The following GRM5 variants were observed in gnomAD, a reference collection of about 807,000 sequenced individuals.
GRM5 encodes glutamate metabotropic receptor 5, also known as metabotropic glutamate receptor 5.
GRM5 carries 19 observed loss-of-function variants against 83.1 expected under a neutral mutation model. The observed-to-expected ratio is 0.23, with a 90% CI of 0.16 to 0.34. The LOEUF (loss-of-function observed/expected upper bound fraction) is 0.34. GRM5 is among the 10% of genes least tolerant of loss of function. The pLI is 1.00. For missense variants in GRM5, 1,160 were observed against 1,588.3 expected (o/e 0.73, Z 4.58); for synonymous variants, 675 against 633.6 (o/e 1.07, Z -0.98).
chr11:88,774,941 A>G (rs556925388), intron 3 of GRM5, among the ~76,000 whole-genome samples: 2 of 152,342 alleles, frequency 1.3e-5, no homozygotes, highest in South Asian at 2.1e-4. Flanking sequence ...CTTTGGTATC[A>G]GGATGATGCT....
intron 6 of GRM5, among the ~76,000 whole-genome samples, chr11:88,591,607 T>C: frequency 6.6e-6 from 1 of 152,358 alleles, no homozygotes; most frequent in Middle Eastern, 3.4e-3. Flanking sequence ...TTACACTTTA[T>C]ATTTCTAGTC....
chr11:88,982,416 T>C (rs898309555), intron 2 of GRM5, among the ~76,000 whole-genome samples: 7 of 152,146 alleles, frequency 4.6e-5, no homozygotes, highest in African/African-American at 1.7e-4. Flanking sequence ...CATGAATCAT[T>C]TGGAAAAAGA....
chr11:88,606,302 C>T (rs530012103), intron 4 of GRM5, among the ~76,000 whole-genome samples: 3 of 152,300 alleles, frequency 2.0e-5, no homozygotes, highest in Non-Finnish European at 4.4e-5. Context: ...GCGAGTGGAT[C>T]ACCTGAGGTC....
At chr11:88,926,482 G>T (rs1448970267) in intron 2 of GRM5, among the ~76,000 whole-genome samples, 1 of 152,072 alleles carries the variant, frequency 6.6e-6, no homozygotes, top group Admixed American at 6.6e-5. Context: ...TATATCTACT[G>T]ATGGTGTTCA....
intron 8 of GRM5, among the ~76,000 whole-genome samples, chr11:88,555,390 C>T (rs193074829): frequency 1.7e-4 from 26 of 152,178 alleles, no homozygotes; most frequent in African/African-American, 4.1e-4. Flanking sequence ...GAGTCTCACG[C>T]GACTGGACTG....
rs1379411696 is a variant in GRM5, at chr11:88,567,821, A to G, written c.1862T>C (p.Ile621Thr). 5.6e-6 allele frequency: 9 copies of G among 1,614,162 alleles called. No individual in the cohort carries two copies. The highest frequency in any genetic ancestry group is 7.6e-6 in the Non-Finnish European group (9 of 1,179,984). ...KSSSRELCYI[I>T]LAGICLGYLC... ...GTAGCCCAGGCAGATGCCAGCAAGG[A>G]TAATGTAGCAGAGTTCCCTGCTTGA... The change falls in exon 8 of 10, where the codon ATC becomes ACC. Residue 621 changes from isoleucine to threonine, a missense_variant. Physicochemically the swap from Ile to Thr is moderately conservative, Grantham distance 89 (BLOSUM62 -1). Around this residue, in one of 9 missense-constraint regions of GRM5, gnomAD observed 132 missense variants for 245.5 expected, o/e 0.54. Transcript: ENST00000305447. This position sits in a 1 kb window ranked among gnomAD's most constrained non-coding sequence, Gnocchi z 7.3.
chr11:88,611,256 T>C (rs1565360354), intron 4 of GRM5, among the ~76,000 whole-genome samples: 1 of 152,196 alleles, frequency 6.6e-6, no homozygotes, highest in Non-Finnish European at 1.5e-5. Context: ...GAGTACCTTC[T>C]CCTTGTATTT....
chr11:88,616,865 ATCTGTCACTGAT>A (rs1371229077), intron 4 of GRM5, among the ~76,000 whole-genome samples: 26 of 152,288 alleles, frequency 1.7e-4, no homozygotes, highest in African/African-American at 6.3e-4. Context: ...ATTGGCGGTG[ATCTGTCACTGAT>A]TTCCAGGACA....
At chr11:88,990,634 T>A (rs1939930729) in intron 2 of GRM5, among the ~76,000 whole-genome samples, 1 of 149,064 alleles carries the variant, frequency 6.7e-6, no homozygotes, top group Admixed American at 6.7e-5. Flanking sequence ...GCAAAACGAA[T>A]CCAGCAGCAC....
chr11:89,051,429 G>A (rs1454619344), intron 1 of GRM5, among the ~76,000 whole-genome samples: 2 of 152,056 alleles, frequency 1.3e-5, no homozygotes, highest in Non-Finnish European at 2.9e-5. Context: ...TTTAATGTTG[G>A]CCAGGCGCGG....
At chr11:88,944,843 A>C (rs1938227334) in intron 2 of GRM5, among the ~76,000 whole-genome samples, 1 of 151,962 alleles carries the variant, frequency 6.6e-6, no homozygotes, top group Non-Finnish European at 1.5e-5. Flanking sequence ...TATTCAATAC[A>C]GAATGGAGTG....
intron 3 of GRM5, among the ~76,000 whole-genome samples, chr11:88,809,122 G>T (rs533762029): frequency 2.9e-4 from 44 of 152,026 alleles, no homozygotes; most frequent in African/African-American, 9.4e-4. Context: ...AAAGCATAGA[G>T]CAACTGATTC....
chr11:88,722,975 TAA>T (rs71470775), intron 3 of GRM5, among the ~76,000 whole-genome samples: 47,411 of 151,812 alleles, frequency 0.31, 8,144 homozygotes, highest in African/African-American at 0.47. Context: ...TCATACACAA[TAA>T]AATTTCAGGC....
intron 3 of GRM5, among the ~76,000 whole-genome samples, chr11:88,800,493 T>C (rs184813163): frequency 2.9e-3 from 434 of 152,270 alleles, no homozygotes; most frequent in Non-Finnish European, 5.3e-3. Context: ...AAATTTTGTG[T>C]TCCTGAAGGA....
At chr11:88,730,315 A>G (rs1319214658) in intron 3 of GRM5, among the ~76,000 whole-genome samples, 1 of 152,232 alleles carries the variant, frequency 6.6e-6, no homozygotes, top group Non-Finnish European at 1.5e-5. Flanking sequence ...AAACAAAGCC[A>G]CAATGAGATA....
At chr11:88,795,020 A>G (rs1943249925) in intron 3 of GRM5, among the ~76,000 whole-genome samples, 1 of 152,258 alleles carries the variant, frequency 6.6e-6, no homozygotes, top group African/African-American at 2.4e-5. Context: ...CCAAAATGCA[A>G]TAAGTAGAAC....
chr11:88,905,322 T>C (rs578226167), intron 2 of GRM5, among the ~76,000 whole-genome samples: 1 of 152,258 alleles, frequency 6.6e-6, no homozygotes, highest in South Asian at 2.1e-4. Flanking sequence ...TTATTATTTA[T>C]TTATTCATTA....
chr11:88,645,544 T>G (rs958874602), intron 4 of GRM5, among the ~76,000 whole-genome samples: 2 of 152,124 alleles, frequency 1.3e-5, no homozygotes, highest in Non-Finnish European at 2.9e-5. Flanking sequence ...AGAATATAAA[T>G]GACCAATTTG....
At chr11:88,659,496 CA>C (rs1285555376) in intron 3 of GRM5, among the ~76,000 whole-genome samples, 10 of 151,940 alleles carry the variant, frequency 6.6e-5, no homozygotes, top group African/African-American at 2.4e-4. Flanking sequence ...TGTTGGCATT[CA>C]AAAATATGAG....
Sources: gnomAD v4.1 joint callset for allele counts (sites outside exome capture counted in the v4.1 genomes callset) on GRCh38, gnomAD v4.1.1 for gene constraint, gnomAD v4.1.1 regional missense constraint, Gnocchi (gnomAD v3.1) non-coding constraint, MANE v1.5 for transcripts, NCBI Gene and HGNC (gene_info 2026-07-23, HGNC 2026-07-21) for gene names.